The following PCNX1 variants were observed in gnomAD, a reference collection of about 807,000 sequenced individuals.
The protein encoded by PCNX1 is pecanex-like protein 1.
Under a neutral mutation model 242.2 loss-of-function variants are expected in PCNX1, and 78 were observed. The ratio of observed to expected loss-of-function variants is 0.32; its 90% confidence interval spans 0.27 to 0.39. The LOEUF is 0.39. PCNX1 is among the 10% of genes least tolerant of loss of function. PCNX1 has a pLI of 1.00. For missense variants in PCNX1, 2,581 were observed against 2,856.5 expected, an observed-to-expected ratio of 0.90 and a Z score of 2.20; for synonymous variants, 1,024 against 1,032.9, an observed-to-expected ratio of 0.99 and a Z score of 0.17.
chr14:70,918,904 CAA>C (rs1446095536), intron 1 of PCNX1, among the ~76,000 whole-genome samples: 10 of 137,896 alleles, frequency 7.3e-5, no homozygotes, highest in African/African-American at 2.7e-4. Context: ...TTTTTTTAGA[CAA>C]AGTCTTTTTC....
chr14:71,033,908 T>TA lies in PCNX1; in HGVS notation c.3669-23_3669-22insA, dbSNP rs773999135. On this transcript the variant is annotated intron_variant, in intron 17 of 35. Coordinates refer to ENST00000304743, the MANE Select transcript of PCNX1 (RefSeq NM_014982.3). Reference sequence around the variant, plus strand: ...GTTTTCAGATTATCTATGTATTTTCTGTTTTTTTTTCTTCACATAAAGCTC... The same window carrying TA: ...GTTTTCAGATTATCTATGTATTTTCTAGTTTTTTTTTCTTCACATAAAGCTC... The TA allele has an allele frequency of 9.7e-6, 10 of 1,025,774 alleles. No individual in the cohort carries two copies. The East Asian group carries it at 2.6e-4, about 27-fold the overall frequency. The allele number at this position is 1,025,774 out of a possible 1,614,324, so 63.5% of individuals were successfully genotyped here.
In PCNX1 at chr14:71,033,520, G is replaced by A. The variant is rs1188553515; in HGVS notation, c.3650G>A (p.Ser1217Asn). The A allele has an allele frequency of 1.9e-6, 3 of 1,577,318 alleles. No homozygotes were observed. Among genetic ancestry groups the A allele is most frequent in the Non-Finnish European group, 2.6e-6 (3 of 1,147,246 alleles). The change falls in exon 17 of 36, where the codon AGT (serine) becomes AAT (asparagine). Residue 1217 changes from serine (S) to asparagine (N), a missense_variant. Physicochemically the swap from Ser to Asn is conservative, Grantham distance 46. Coordinates refer to ENST00000304743, the MANE Select transcript of PCNX1 (RefSeq NM_014982.3). ...AVSYHLSRQS[S>N]DPSVLFSLVQ... ...TCTTACCATCTCAGCCGACAAAGCA[G>A]TGATCCATCTGTACTTTTGTAAGTG...
At chr14:70,937,397 T>A (rs2057051701) in intron 1 of PCNX1, among the ~76,000 whole-genome samples, 1 of 152,206 alleles carries the variant, frequency 6.6e-6, no homozygotes. Flanking sequence ...GGGAATCCTT[T>A]CCCCATTTCT....
At chr14:71,067,255 G>T (rs189542677) in intron 26 of PCNX1, among the ~76,000 whole-genome samples, 6 of 152,164 alleles carry the variant, frequency 3.9e-5, no homozygotes, top group Admixed American at 3.9e-4. Flanking sequence ...ACTCTCTTTG[G>T]TTGGTAGGCT....
intron 2 of PCNX1, among the ~76,000 whole-genome samples, chr14:70,953,213 A>G (rs2082720631): frequency 6.6e-6 from 1 of 152,214 alleles, no homozygotes; most frequent in African/African-American, 2.4e-5. Flanking sequence ...CAGGAGTTCA[A>G]GAGTTCAGTG....
At position 71,055,542 on chromosome 14, in the gene PCNX1, C is replaced by T. The variant is rs777673798; in HGVS notation, c.4616C>T (p.Ser1539Phe). 2.5e-6 allele frequency: 4 copies of T among 1,606,178 alleles called. No homozygotes were observed. The South Asian group carries it at 4.4e-5, about 18-fold the overall frequency. The change falls in exon 25 of 36, where the codon TCC (serine) becomes TTC (phenylalanine). Residue 1539 changes from serine (S) to phenylalanine (F), a missense_variant. Physicochemically the swap from Ser to Phe is radical, Grantham distance 155. This residue lies in a region of PCNX1 where 99 missense variants were observed against 147.3 expected (regional missense o/e 0.67). Transcript: ENST00000304743. ...RVDHSNTRLASQLDRNPGSDD... is the reference protein window; with the variant it reads ...RVDHSNTRLAFQLDRNPGSDD... The stretch of plus-strand genomic sequence containing the variant: ...GATCATTCAAATACCAGATTGGCTT[C>T]CCAGCTTGATAGAAATCCAGGTAAT...
At chr14:70,971,780 C>T (rs1171097922) in intron 5 of PCNX1, among the ~76,000 whole-genome samples, 2 of 152,110 alleles carry the variant, frequency 1.3e-5, no homozygotes, top group Non-Finnish European at 2.9e-5. Context: ...GGGAGGGGCC[C>T]CCTCCACGCA....
chr14:71,012,596 C>A (rs930487040), intron 10 of PCNX1: 2 of 253,572 alleles, frequency 7.9e-6, no homozygotes, highest in Non-Finnish European at 1.5e-5. Flanking sequence ...CTTTGAGAGG[C>A]CGAGGCGGGT....
chr14:70,926,363 G>A (rs1229233532), intron 1 of PCNX1, among the ~76,000 whole-genome samples: 1 of 152,012 alleles, frequency 6.6e-6, no homozygotes, highest in Non-Finnish European at 1.5e-5. Context: ...CTTCACTCTC[G>A]CTACAGAGAT....
chr14:70,985,071 G>T (rs2058959175), intron 6 of PCNX1, among the ~76,000 whole-genome samples: 2 of 152,180 alleles, frequency 1.3e-5, no homozygotes, highest in Admixed American at 1.3e-4. Flanking sequence ...TAAAATGTAA[G>T]AGGATATTTT....
intron 11 of PCNX1, among the ~76,000 whole-genome samples, chr14:71,016,674 C>T (rs946382846): frequency 6.6e-6 from 1 of 152,070 alleles, no homozygotes; most frequent in Non-Finnish European, 1.5e-5. Context: ...GTATTTTGGG[C>T]TAAATGAAAG....
At chr14:71,042,329 C>CT (rs1273640574) in intron 19 of PCNX1, among the ~76,000 whole-genome samples, 1 of 151,910 alleles carries the variant, frequency 6.6e-6, no homozygotes, top group Non-Finnish European at 1.5e-5. Flanking sequence ...TAATATTTGC[C>CT]TTATGTATCT....
intron 12 of PCNX1, 51 bp downstream of exon 12, chr14:71,019,213 G>T (rs2060033427): frequency 6.9e-7 from 1 of 1,439,132 alleles, no homozygotes. Context: ...GTGTTAAAAG[G>T]CAGAGGATTT....
intron 1 of PCNX1, among the ~76,000 whole-genome samples, chr14:70,933,785 ATATACCT>A (rs1186166279): frequency 1.3e-5 from 2 of 152,232 alleles, no homozygotes; most frequent in Non-Finnish European, 2.9e-5. Context: ...GTGCTTAAAA[ATATACCT>A]TGCACATCAT....
At chr14:71,021,034 T>C (rs777973403) in intron 12 of PCNX1, among the ~76,000 whole-genome samples, 1 of 152,228 alleles carries the variant, frequency 6.6e-6, no homozygotes, top group African/African-American at 2.4e-5. Flanking sequence ...TCCCCATTGC[T>C]TGTTTTTGTC....
intron 26 of PCNX1, among the ~76,000 whole-genome samples, chr14:71,059,418 CTG>C (rs2061267657): frequency 6.6e-6 from 1 of 152,010 alleles, no homozygotes; most frequent in African/African-American, 2.4e-5. Context: ...GGGTCTCGCT[CTG>C]TCACCCAGGC....
At chr14:70,949,704 G>A (rs922939822) in intron 2 of PCNX1, among the ~76,000 whole-genome samples, 1 of 152,106 alleles carries the variant, frequency 6.6e-6, no homozygotes, top group Non-Finnish European at 1.5e-5. Flanking sequence ...TGATCCCCCT[G>A]TTGCTCAGTC....
At chr14:71,021,830 A>T (rs1239457882) in intron 12 of PCNX1, among the ~76,000 whole-genome samples, 1 of 150,342 alleles carries the variant, frequency 6.7e-6, no homozygotes, top group Non-Finnish European at 1.5e-5. Context: ...TCCTTTGTTG[A>T]TCCCTCTTTG....
At chr14:70,991,050 A>G (rs1049100605) in intron 7 of PCNX1, among the ~76,000 whole-genome samples, 7 of 152,124 alleles carry the variant, frequency 4.6e-5, no homozygotes, top group African/African-American at 1.7e-4. Flanking sequence ...CTTAGCAAAC[A>G]TATGCAGACA....
Sources: gnomAD v4.1 joint callset for allele counts (sites outside exome capture counted in the v4.1 genomes callset) on GRCh38, gnomAD v4.1.1 for gene constraint, gnomAD v4.1.1 regional missense constraint, MANE v1.5 for transcripts, NCBI Gene and HGNC (gene_info 2026-07-23, HGNC 2026-07-21) for gene names.